The following RCC1L variants were observed in gnomAD, a reference collection of about 807,000 sequenced individuals.
The protein encoded by RCC1L is RCC1 like, also known as RCC1-like G exchanging factor-like protein.
Under a neutral mutation model 58.6 loss-of-function variants are expected in RCC1L, and 46 were observed. The ratio of observed to expected loss-of-function variants is 0.79; its 90% confidence interval spans 0.62 to 1.00. The LOEUF is 1.00. RCC1L is among the 50% of genes least tolerant of loss of function. The pLI is 0.00. For synonymous variants in RCC1L, 281 were observed against 262.9 expected, an observed-to-expected ratio of 1.07 and a Z score of -0.67; for missense variants, 636 against 623.6, an observed-to-expected ratio of 1.02 and a Z score of -0.21.
rs1005244707 is a variant in RCC1L, at chr7:75,066,694, G to C, written c.553C>G (p.His185Asp). 2 of 1,613,084 alleles carry C rather than the reference G, an allele frequency of 1.2e-6. No individual in the cohort carries two copies. Among genetic ancestry groups the C allele is most frequent in the African/African-American group, 2.7e-5 (2 of 74,892 alleles). ...TCCCTGTCAGTCAACACAAGAGAGT[G>C]AGCTCGGCCGCAGGAGACCTGCAGC... ...RVLQVSCGRA[H>D]SLVLTDREGV... Residue 185 changes from histidine to aspartate, a missense_variant, in exon 3 of 11, where the codon CAC becomes GAC. By Grantham distance (81) the His-to-Asp change is moderately conservative (BLOSUM62 -1). Transcript: ENST00000610322.
intron 10 of RCC1L, among the ~76,000 whole-genome samples, chr7:75,045,249 C>G (rs1419950154): frequency 6.6e-6 from 1 of 152,098 alleles, no homozygotes; most frequent in African/African-American, 2.4e-5. Context: ...ACAATCATAG[C>G]TCGCACTACA....
At chr7:75,046,368 A>G (rs951551515) in intron 10 of RCC1L, among the ~76,000 whole-genome samples, 6 of 152,202 alleles carry the variant, frequency 3.9e-5, no homozygotes, top group African/African-American at 1.4e-4. Context: ...ATTAGGGAGC[A>G]CTTTATTTAC....
Position 75,073,734 on chromosome 7 carries a change from C to T in RCC1L, c.4G>A (p.Ala2Thr). The change falls in exon 1 of 11, where the codon GCG becomes ACG. Residue 2 changes from alanine to threonine, a missense_variant. Physicochemically the swap from Ala to Thr is moderately conservative, Grantham distance 58. Transcript: ENST00000610322. M[A>T]LVALVAGARL... ...GCCCCAGCCACCAACGCCACCAGCG[C>T]CATCCTCCGTTCCGCGCCTCAGCAG... 1 of 1,505,450 alleles carries T rather than the reference C, an allele frequency of 6.6e-7. No homozygotes were observed. Among genetic ancestry groups the T allele is most frequent in the South Asian group, 1.2e-5 (1 of 80,826 alleles). The allele number at this position is 1,505,450 out of a possible 1,614,324, so 93.3% of individuals were successfully genotyped here. A position where few individuals can be genotyped will look rare whatever the true frequency, so the allele number is the denominator to read the frequency against.
intron 1 of RCC1L, among the ~76,000 whole-genome samples, chr7:75,072,273 T>G (rs1806790700): frequency 6.8e-6 from 1 of 147,248 alleles, no homozygotes; most frequent in African/African-American, 2.5e-5. Flanking sequence ...ATGATCCTCC[T>G]GCCTTGGCCT....
Position 75,073,783 on chromosome 7 carries a change from T to C in RCC1L, c.-46A>G, listed in dbSNP as rs1338551852. 1.3e-6 allele frequency: 2 copies of C among 1,495,458 alleles called. No individual in the cohort carries two copies. The highest frequency in any genetic ancestry group is 2.8e-5 in the African/African-American group (2 of 70,864). The allele number at this position is 1,495,458 out of a possible 1,614,324, so 92.6% of individuals were successfully genotyped here. On this transcript the variant is annotated 5_prime_UTR_variant, in exon 1 of 11. Transcript: ENST00000610322. ...AGCCTCTGGGCGCCGCCATCTTGCGTGACCCTTAACACCAGTCCTCGCCGG... is the reference window on the plus strand; with the variant it reads ...AGCCTCTGGGCGCCGCCATCTTGCGCGACCCTTAACACCAGTCCTCGCCGG...
rs587599264 is a variant in RCC1L at position 75,044,895 on chromosome 7, G to A, written c.1318-1786C>T. ...AAATTAGCTGGGCATGGTGGCAGGC[G>A]CCTGTAATCCCAGCTACTCAGGAGG... On this transcript the variant is annotated intron_variant, in intron 10 of 10. Transcript: ENST00000610322. Among the ~76,000 whole-genome samples the A allele has an allele frequency of 3.0e-3, 458 of 152,120 alleles. 3 individuals are homozygous for A. The highest frequency in any genetic ancestry group is 8.5e-3 in the African/African-American group (355 of 41,522).
chr7:75,048,469 C>T (rs1343985573), intron 10 of RCC1L, among the ~76,000 whole-genome samples: 1 of 152,198 alleles, frequency 6.6e-6, no homozygotes, highest in Non-Finnish European at 1.5e-5. Context: ...GCTCAGGGGC[C>T]GTGAGACCTG....
chr7:75,068,533 C>A (rs1343184098), intron 2 of RCC1L, among the ~76,000 whole-genome samples: 1 of 151,612 alleles, frequency 6.6e-6, no homozygotes, highest in African/African-American at 2.4e-5. Flanking sequence ...CTAAAATCCC[C>A]AAATTAGCCA....
At chr7:75,040,235 G>A (rs978413767), downstream of RCC1L, among the ~76,000 whole-genome samples, 1 of 152,208 alleles carries the variant, frequency 6.6e-6, no homozygotes, top group South Asian at 2.1e-4. Flanking sequence ...CGAGGTGGGC[G>A]GATCTCTGGA....
intron 7 of RCC1L, chr7:75,057,976 G>T: frequency 3.0e-6 from 1 of 336,806 alleles, no homozygotes; most frequent in Non-Finnish European, 5.8e-6. Flanking sequence ...TGGCCAACAT[G>T]GTGAAACCCT....
chr7:75,073,328 A>G, intron 1 of RCC1L, 86 bp downstream of exon 1: 2 of 604,272 alleles, frequency 3.3e-6, no homozygotes, highest in Non-Finnish European at 5.0e-6. Context: ...AGAGGAGCCA[A>G]CTTCTTGAAG....
intron 10 of RCC1L, among the ~76,000 whole-genome samples, chr7:75,030,646 T>G (rs1210854369): frequency 6.6e-6 from 1 of 152,162 alleles, no homozygotes; most frequent in Non-Finnish European, 1.5e-5. Context: ...ACAGGGCTGC[T>G]TGAGTGTCTT....
At chr7:75,031,233 C>T (rs1805294540) in intron 10 of RCC1L, among the ~76,000 whole-genome samples, 2 of 152,056 alleles carry the variant, frequency 1.3e-5, no homozygotes, top group South Asian at 4.1e-4. Context: ...CCCCCACCAT[C>T]GTAGTGGGGG....
At chr7:75,056,392 G>A (rs868985340) in intron 8 of RCC1L, 43 of 937,588 alleles carry the variant, frequency 4.6e-5, no homozygotes, top group Non-Finnish European at 6.0e-5. Flanking sequence ...AAACCCATAC[G>A]AATACCAGAG....
intron 2 of RCC1L, among the ~76,000 whole-genome samples, chr7:75,067,641 A>T (rs1554445393): frequency 6.6e-6 from 1 of 151,902 alleles, no homozygotes. Context: ...TTAAAAAAAA[A>T]ATACAAAAAT....
intron 10 of RCC1L, among the ~76,000 whole-genome samples, chr7:75,047,951 TAAAAAAAA>T (rs1165495607): frequency 1.4e-5 from 1 of 72,160 alleles, no homozygotes; most frequent in Admixed American, 2.0e-4. Flanking sequence ...GGCCAATAAT[TAAAAAAAA>T]AAAAAAAAAA....
chr7:75,052,831 T>A, intron 9 of RCC1L, 35 bp from the exon 10 acceptor site: 1 of 1,590,862 alleles, frequency 6.3e-7, no homozygotes, highest in Non-Finnish European at 8.6e-7. Flanking sequence ...TGGTTGGGAC[T>A]GTGTGAAGAA....
At chr7:75,057,672 A>T (rs950355193) in intron 7 of RCC1L, 56 bp from the exon 8 acceptor site, 36 of 1,549,560 alleles carry the variant, frequency 2.3e-5, no homozygotes, top group African/African-American at 5.4e-5. Context: ...AGGACCGGGA[A>T]GTGTTCTGGT....
chr7:75,057,605 G>A lies in RCC1L; in HGVS notation c.981C>T (p.Pro327=), dbSNP rs1188892280. 1.2e-6 allele frequency: 2 copies of A among 1,613,776 alleles called. No individual in the cohort carries two copies. The highest frequency in any genetic ancestry group is 1.3e-5 in the African/African-American group (1 of 74,892). Residue 327 remains proline (P), a synonymous_variant, in exon 8 of 11, where the codon CCC becomes CCT. Transcript: ENST00000610322. Reference sequence around the variant, plus strand: ...CCACTCCTGAGAAGTGTAAGCAGCGGGGCACATTCACCTGAACCAAAGAAA... The same window carrying A: ...CCACTCCTGAGAAGTGTAAGCAGCGAGGCACATTCACCTGAACCAAAGAAA... ...SVTDSTQVNV[P]RCLHFSGVGK... is the part of the protein sequence containing the mutation.
Sources: gnomAD v4.1 joint callset for allele counts (sites outside exome capture counted in the v4.1 genomes callset) on GRCh38, gnomAD v4.1.1 for gene constraint, MANE v1.5 for transcripts, NCBI Gene and HGNC (gene_info 2026-07-23, HGNC 2026-07-21) for gene names.